FAM135B: variants seen among roughly 807,000 people sequenced by gnomAD.
FAM135B encodes the protein family with sequence similarity 135 member B.
A neutral mutation model predicts 127.7 loss-of-function variants in FAM135B; 43 were observed. That is an observed-to-expected ratio of 0.34 (90% CI 0.26 to 0.43). The LOEUF is 0.43. Among genes scored for constraint, FAM135B ranks in the 20% least tolerant of loss-of-function variants. FAM135B has a pLI of 1.00. For synonymous variants in FAM135B, 670 were observed against 665.1 expected (o/e 1.01, Z -0.11); for missense variants, 1,558 against 1,725.6 (o/e 0.90, Z 1.72).
At chr8:138,166,470 C>A (rs562524760) in intron 12 of FAM135B, among the ~76,000 whole-genome samples, 1 of 152,204 alleles carries the variant, frequency 6.6e-6, no homozygotes, top group South Asian at 2.1e-4. Flanking sequence ...TGAAATGAAT[C>A]ATTCATCTAT....
chr8:138,291,063 T>C (rs1825075823), intron 3 of FAM135B, among the ~76,000 whole-genome samples: 1 of 152,168 alleles, frequency 6.6e-6, no homozygotes, highest in Non-Finnish European at 1.5e-5. Flanking sequence ...GCGTATGTTC[T>C]TGGGATCTGA....
chr8:138,309,123 A>T (rs1446123596), intron 3 of FAM135B: 1 of 393,404 alleles, frequency 2.5e-6, no homozygotes, highest in Non-Finnish European at 5.0e-6. Flanking sequence ...CAGGAAACTA[A>T]AGTTCAAGCT....
chr8:138,220,091 G>A (rs925340485), intron 7 of FAM135B, among the ~76,000 whole-genome samples: 14 of 55,344 alleles, frequency 2.5e-4, no homozygotes, highest in South Asian at 1.4e-3. Flanking sequence ...ACACACACAC[G>A]TGCTCATGTG....
At chr8:138,464,863 AGT>A (rs1272750259) in intron 1 of FAM135B, among the ~76,000 whole-genome samples, 2 of 152,192 alleles carry the variant, frequency 1.3e-5, no homozygotes, top group Non-Finnish European at 2.9e-5. Context: ...CACAACAGAC[AGT>A]GTCTTTCTGT....
At chr8:138,313,271 A>T (rs957849661) in intron 2 of FAM135B, among the ~76,000 whole-genome samples, 1 of 152,092 alleles carries the variant, frequency 6.6e-6, no homozygotes, top group Non-Finnish European at 1.5e-5. Flanking sequence ...AGCTGGGATC[A>T]CAGGTACCCA....
chr8:138,256,183 T>G (rs1478577239), intron 5 of FAM135B, among the ~76,000 whole-genome samples: 1 of 136,734 alleles, frequency 7.3e-6, no homozygotes, highest in African/African-American at 2.6e-5. Context: ...CAGAACAAGC[T>G]AAAAGAAAGC....
chr8:138,459,287 T>C (rs1019981385), intron 1 of FAM135B: 2 of 152,082 alleles, frequency 1.3e-5, no homozygotes, highest in Admixed American at 6.6e-5. Context: ...CTTTTCACAA[T>C]TGCCAAAATA....
At chr8:138,225,474 C>CAA (rs137859487) in intron 7 of FAM135B, among the ~76,000 whole-genome samples, 15 of 149,200 alleles carry the variant, frequency 1.0e-4, no homozygotes, top group Non-Finnish European at 1.8e-4. Context: ...AACAAAAAAA[C>CAA]AAAAAAAACA....
rs979205298 is a variant in FAM135B at position 138,243,837 on chromosome 8, T to C, written c.543-769A>G. Among the ~76,000 whole-genome samples, 3 of 152,242 alleles carry C rather than the reference T, an allele frequency of 2.0e-5. No individual in the cohort carries two copies. The highest frequency in any genetic ancestry group is 6.5e-5 in the Admixed American group (1 of 15,280). ...GTTCACTTATACTCATATTCTTTTTTAGATCTCTTCTGTTTCATTTCTTTT... is the reference window on the plus strand; with the variant it reads ...GTTCACTTATACTCATATTCTTTTTCAGATCTCTTCTGTTTCATTTCTTTT... On this transcript the variant is annotated intron_variant, in intron 6 of 19. Coordinates refer to ENST00000395297, the MANE Select transcript of FAM135B (RefSeq NM_015912.4). This position sits in a 1 kb window ranked among gnomAD's most constrained non-coding sequence, Gnocchi z 7.5.
chr8:138,216,327 T>C (rs1431459465), intron 7 of FAM135B, among the ~76,000 whole-genome samples: 2 of 152,206 alleles, frequency 1.3e-5, no homozygotes, highest in Non-Finnish European at 2.9e-5. Flanking sequence ...CCTCAGACTA[T>C]CTTTTAATAA....
chr8:138,275,650 T>C (rs374775050), intron 3 of FAM135B, among the ~76,000 whole-genome samples: 25 of 152,216 alleles, frequency 1.6e-4, no homozygotes, highest in African/African-American at 5.8e-4. Flanking sequence ...AGCCATGATC[T>C]TGCCACCACA....
rs754638289 is a variant in FAM135B, at chr8:138,256,773, AAAGTCC to A, written c.298-20_298-15del. 1.2e-6 allele frequency: 2 copies of A among 1,610,574 alleles called. No individual in the cohort carries two copies. The highest frequency in any genetic ancestry group is 2.2e-5 in the South Asian group (2 of 90,788). On this transcript the variant is annotated splice_polypyrimidine_tract_variant and intron_variant, in intron 4 of 19. Transcript: ENST00000395297. ...TGCGTCTTCCATCTGCAAAAGAAAC[AAAGTCC>A]AAGGGATTTCAGGAGTCAAATCTTG...
intron 1 of FAM135B, among the ~76,000 whole-genome samples, chr8:138,457,719 C>G (rs1278520509): frequency 1.3e-5 from 2 of 152,130 alleles, no homozygotes; most frequent in Non-Finnish European, 2.9e-5. Context: ...CGCCTGTAAT[C>G]CCAACACTTT....
chr8:138,177,084 G>A (rs1450128635), intron 11 of FAM135B, among the ~76,000 whole-genome samples: 1 of 152,136 alleles, frequency 6.6e-6, no homozygotes, highest in Non-Finnish European at 1.5e-5. Flanking sequence ...TGTCTTCAGG[G>A]ACCTAGGGTG....
chr8:138,247,373 C>T (rs1375458389), intron 6 of FAM135B, among the ~76,000 whole-genome samples: 1 of 152,134 alleles, frequency 6.6e-6, no homozygotes, highest in East Asian at 1.9e-4. Context: ...ATCATGAGGG[C>T]AGTTACCTCC....
chr8:138,204,982 T>G (rs1453024922), intron 7 of FAM135B, among the ~76,000 whole-genome samples: 1 of 152,202 alleles, frequency 6.6e-6, no homozygotes, highest in African/African-American at 2.4e-5. Context: ...CTACTAACAG[T>G]CTAGTGTTCA....
At chr8:138,280,449 C>A (rs1824176310) in intron 3 of FAM135B, among the ~76,000 whole-genome samples, 1 of 152,190 alleles carries the variant, frequency 6.6e-6, no homozygotes, top group African/African-American at 2.4e-5. Context: ...TCCAGGGCCA[C>A]AATCGGCTGG....
chr8:138,256,663 A>C, intron 5 of FAM135B, 26 bp downstream of exon 5: 1 of 1,603,026 alleles, frequency 6.2e-7, no homozygotes. Flanking sequence ...GTGCTACTAC[A>C]ATTCAATAAT....
intron 1 of FAM135B, among the ~76,000 whole-genome samples, chr8:138,442,402 T>C (rs922809793): frequency 6.6e-6 from 1 of 151,668 alleles, no homozygotes; most frequent in African/African-American, 2.4e-5. Context: ...CGTACTACTA[T>C]GTGTCAGGCA....
Sources: allele counts gnomAD v4.1 joint callset (sites outside exome capture counted in the v4.1 genomes callset), GRCh38; gene constraint gnomAD v4.1.1; non-coding constraint Gnocchi (gnomAD v3.1); transcripts MANE v1.5; gene names NCBI Gene and HGNC (gene_info 2026-07-23, HGNC 2026-07-21).